The following LYSMD2 variants were observed in gnomAD, a reference collection of about 807,000 sequenced individuals.
LYSMD2 encodes lysM and putative peptidoglycan-binding domain-containing protein 2.
Under a neutral mutation model 17.7 loss-of-function variants are expected in LYSMD2, and 6 were observed. The observed-to-expected ratio is 0.34, with a 90% CI of 0.19 to 0.67. The LOEUF (loss-of-function observed/expected upper bound fraction) is 0.67. Ranked by LOEUF, LYSMD2 falls within the 30% of genes least tolerant of loss-of-function variation. The pLI is 0.69. For synonymous variants in LYSMD2, 102 were observed against 129.8 expected (o/e 0.79, Z 1.45); for missense variants, 237 against 286.7 (o/e 0.83, Z 1.25).
At chr15:51,743,964 C>G (rs948092891) in intron 1 of LYSMD2, among the ~76,000 whole-genome samples, 1 of 151,976 alleles carries the variant, frequency 6.6e-6, no homozygotes, top group East Asian at 1.9e-4. Flanking sequence ...AATCTTGTAT[C>G]CTACAATCTT....
chr15:51,741,085 C>A (rs1305227917), upstream of LYSMD2, among the ~76,000 whole-genome samples: 1 of 152,114 alleles, frequency 6.6e-6, no homozygotes, highest in Non-Finnish European at 1.5e-5. Context: ...AGGGCCAAGG[C>A]ATTCCTGAGG....
chr15:51,735,719 G>A (rs1286406408), intron 1 of LYSMD2, among the ~76,000 whole-genome samples: 1 of 152,214 alleles, frequency 6.6e-6, no homozygotes, highest in Non-Finnish European at 1.5e-5. Flanking sequence ...GAAAGCATTT[G>A]ATCAAAGGTG....
rs575802886 is a variant in LYSMD2 at position 51,742,877 on chromosome 15, A to T, written c.-1+8394T>A. Among the ~76,000 whole-genome samples, 22 of 152,280 alleles carry T rather than the reference A, an allele frequency of 1.4e-4. No individual in the cohort carries two copies. The South Asian group carries it at 3.9e-3, about 27-fold the overall frequency. Reference sequence around the variant, plus strand: ...CTCACAAGGCAGAGATGGGAAGATTACTTGAGACCAGGAGTTCGAGGCTGC... The same window carrying T: ...CTCACAAGGCAGAGATGGGAAGATTTCTTGAGACCAGGAGTTCGAGGCTGC... On this transcript the variant is annotated intron_variant, in intron 1 of 2. Transcript: ENST00000454181.
At chr15:51,732,803 C>T (rs987016852) in intron 1 of LYSMD2, among the ~76,000 whole-genome samples, 11 of 152,212 alleles carry the variant, frequency 7.2e-5, no homozygotes, top group African/African-American at 2.2e-4. Flanking sequence ...CTCACCACCT[C>T]CTTCCTTCTC....
intron 1 of LYSMD2, among the ~76,000 whole-genome samples, chr15:51,727,362 A>T (rs1288464007): frequency 6.6e-6 from 1 of 152,156 alleles, no homozygotes; most frequent in Non-Finnish European, 1.5e-5. Context: ...GAGAGTTCCT[A>T]TCAGGAGTCC....
At chr15:51,739,639 TG>T (rs5812566), upstream of LYSMD2, among the ~76,000 whole-genome samples, 2,214 of 152,272 alleles carry the variant, frequency 0.015, 79 homozygotes, top group East Asian at 0.07. Context: ...AGTTTTAATC[TG>T]AAGATTAAAG....
chr15:51,745,905 A>G (rs1280364548), intron 1 of LYSMD2, among the ~76,000 whole-genome samples: 1 of 152,236 alleles, frequency 6.6e-6, no homozygotes, highest in East Asian at 1.9e-4. Context: ...ACAATGAGAT[A>G]CCACTGCATA....
At chr15:51,740,696 T>C (rs1041719873), upstream of LYSMD2, among the ~76,000 whole-genome samples, 10 of 152,114 alleles carry the variant, frequency 6.6e-5, no homozygotes, top group African/African-American at 2.4e-4. Context: ...CACTCAATCA[T>C]ATAAGTGTGA....
intron 1 of LYSMD2, among the ~76,000 whole-genome samples, chr15:51,743,794 C>T (rs552724918): frequency 1.3e-5 from 2 of 152,300 alleles, no homozygotes; most frequent in South Asian, 4.1e-4. Context: ...TTATTTCTCT[C>T]ATCAGTTTTG....
Position 51,724,767 on chromosome 15 carries a change from C to T in LYSMD2, c.605+23G>A, listed in dbSNP as rs372391915. On this transcript the variant is annotated intron_variant, in intron 2 of 2. Transcript: ENST00000267838. ...TAATAGTGATTTATTTAGACTTTGA[C>T]ATTTGTACCAGGGTATTCTTACCTG... 1.3e-3 allele frequency: 2,067 copies of T among 1,556,224 alleles called. 54 individuals carry two copies. In the South Asian group the frequency reaches 0.023, roughly 17 times the overall value.
intron 1 of LYSMD2, among the ~76,000 whole-genome samples, chr15:51,728,312 G>A (rs2055553411): frequency 6.6e-6 from 1 of 151,614 alleles, no homozygotes; most frequent in Admixed American, 6.6e-5. Context: ...CCAGCTACTC[G>A]GGAGCCTGAG....
At chr15:51,728,432 C>CAT (rs906585602) in intron 1 of LYSMD2, among the ~76,000 whole-genome samples, 7 of 144,944 alleles carry the variant, frequency 4.8e-5, no homozygotes, top group African/African-American at 1.8e-4. Context: ...CACACACACA[C>CAT]ATATGGCACA....
At chr15:51,724,678 GAAAGA>G (rs575448585) in intron 2 of LYSMD2, 107 bp downstream of exon 2, 34 of 592,970 alleles carry the variant, frequency 5.7e-5, no homozygotes, top group Middle Eastern at 4.6e-4. Context: ...AAATCAGAAA[GAAAGA>G]AAAGAAAAGA....
chr15:51,747,764 T>C (rs1032306185), intron 1 of LYSMD2, among the ~76,000 whole-genome samples: 10 of 152,232 alleles, frequency 6.6e-5, no homozygotes, highest in African/African-American at 2.4e-4. Context: ...ATCACTGTGG[T>C]ATCATTTAAC....
intron 1 of LYSMD2, among the ~76,000 whole-genome samples, chr15:51,747,826 C>G (rs2055675666): frequency 6.6e-6 from 1 of 152,180 alleles, no homozygotes; most frequent in African/African-American, 2.4e-5. Flanking sequence ...GTCAATTATA[C>G]TACACATACG....
At chr15:51,736,233 C>T (rs2055607820) in intron 1 of LYSMD2, among the ~76,000 whole-genome samples, 1 of 152,210 alleles carries the variant, frequency 6.6e-6, no homozygotes, top group Non-Finnish European at 1.5e-5. Context: ...TATTTCCCAA[C>T]TTCGCTTTCC....
At chr15:51,741,835 G>A (rs527844817), upstream of LYSMD2, among the ~76,000 whole-genome samples, 1 of 151,980 alleles carries the variant, frequency 6.6e-6, no homozygotes, top group South Asian at 2.1e-4. Context: ...CAGAAGAATC[G>A]CTTGAACCTG....
intron 2 of LYSMD2, among the ~76,000 whole-genome samples, chr15:51,724,448 G>A (rs1330667786): frequency 3.3e-5 from 5 of 152,096 alleles, no homozygotes; most frequent in Non-Finnish European, 5.9e-5. Flanking sequence ...GGACAGTGAC[G>A]CTATTAAAGC....
At chr15:51,730,250 G>A (rs1434105989) in intron 1 of LYSMD2, among the ~76,000 whole-genome samples, 1 of 152,348 alleles carries the variant, frequency 6.6e-6, no homozygotes, top group Non-Finnish European at 1.5e-5. Flanking sequence ...GCTCATGCCT[G>A]TAGTCCCAAA....
Sources: allele counts gnomAD v4.1 joint callset (sites outside exome capture counted in the v4.1 genomes callset), GRCh38; gene constraint gnomAD v4.1.1; transcripts MANE v1.5; gene names NCBI Gene and HGNC (gene_info 2026-07-23, HGNC 2026-07-21).